LHFPL2: variants seen among roughly 807,000 people sequenced by gnomAD.
LHFPL2 encodes the protein LHFPL tetraspan subfamily member 2 protein.
A neutral mutation model predicts 17.5 loss-of-function variants in LHFPL2; 7 were observed. The observed-to-expected ratio is 0.40, with a 90% CI of 0.23 to 0.75. LHFPL2 has a LOEUF of 0.75. Ranked by LOEUF, LHFPL2 falls within the 30% of genes least tolerant of loss-of-function variation. The pLI is 0.37. For synonymous variants in LHFPL2, 134 were observed against 116.2 expected, an observed-to-expected ratio of 1.15 and a Z score of -0.99; for missense variants, 241 against 294.8, an observed-to-expected ratio of 0.82 and a Z score of 1.34.
chr5:78,523,504 AG>A (rs964269717), intron 3 of LHFPL2, among the ~76,000 whole-genome samples: 8 of 152,094 alleles, frequency 5.3e-5, no homozygotes, highest in Admixed American at 4.6e-4. Flanking sequence ...AGACAGGCAA[AG>A]GGGGGAAATC....
In LHFPL2 at chr5:78,608,479, A is replaced by G. The variant is rs116467123; in HGVS notation, c.-245+23785T>C. Among the ~76,000 whole-genome samples the G allele has an allele frequency of 7.5e-3, 1,146 of 152,258 alleles. 12 individuals carry two copies. The highest frequency in any genetic ancestry group is 0.026 in the African/African-American group (1,071 of 41,530). Reference sequence around the variant, plus strand: ...AGCAAAGACATAACTGCATTCTAGAATAATATATGGGGAAATACAATCAGG... The same window carrying G: ...AGCAAAGACATAACTGCATTCTAGAGTAATATATGGGGAAATACAATCAGG... On this transcript the variant is annotated intron_variant, in intron 2 of 4. Coordinates refer to ENST00000380345, the MANE Select transcript of LHFPL2 (RefSeq NM_005779.3).
At chr5:78,634,982 G>A (rs573431671) in intron 1 of LHFPL2, among the ~76,000 whole-genome samples, 5 of 152,322 alleles carry the variant, frequency 3.3e-5, no homozygotes. Flanking sequence ...GGGACACCAG[G>A]GGAAGAAGAG....
chr5:78,500,148 T>TA (rs1049349258), intron 4 of LHFPL2, among the ~76,000 whole-genome samples: 7 of 151,954 alleles, frequency 4.6e-5, no homozygotes, highest in Middle Eastern at 3.4e-3. Context: ...AAATCACCCA[T>TA]AAAAAAACAC....
At chr5:78,618,382 G>C (rs1346811749) in intron 2 of LHFPL2, among the ~76,000 whole-genome samples, 1 of 152,170 alleles carries the variant, frequency 6.6e-6, no homozygotes, top group African/African-American at 2.4e-5. Context: ...GGAGCAGCTG[G>C]GAGGTGCTTC....
chr5:78,597,259 G>A (rs1247579293), intron 2 of LHFPL2, among the ~76,000 whole-genome samples: 1 of 152,156 alleles, frequency 6.6e-6, no homozygotes, highest in African/African-American at 2.4e-5. Context: ...TCTTCCCTGT[G>A]TTTCCTCACA....
At chr5:78,546,572 T>A (rs1348353642) in intron 3 of LHFPL2, among the ~76,000 whole-genome samples, 4 of 152,356 alleles carry the variant, frequency 2.6e-5, no homozygotes, top group Admixed American at 6.5e-5. Context: ...TAAATGATAT[T>A]TTTTATCACA....
chr5:78,493,411 C>T (rs1278346102), intron 4 of LHFPL2, among the ~76,000 whole-genome samples: 1 of 152,230 alleles, frequency 6.6e-6, no homozygotes, highest in East Asian at 1.9e-4. Context: ...ATAATGTTTA[C>T]CTACAAGAAT....
chr5:78,620,674 C>T (rs889983841), intron 2 of LHFPL2, among the ~76,000 whole-genome samples: 4 of 152,150 alleles, frequency 2.6e-5, no homozygotes, highest in Non-Finnish European at 4.4e-5. Flanking sequence ...CCAGGGACAC[C>T]GCTAGGCATC....
At chr5:78,618,378 G>T (rs1314196925) in intron 2 of LHFPL2, among the ~76,000 whole-genome samples, 1 of 152,196 alleles carries the variant, frequency 6.6e-6, no homozygotes, top group African/African-American at 2.4e-5. Context: ...GCAAGGAGCA[G>T]CTGGGAGGTG....
At chr5:78,582,349 G>A (rs1385991341) in intron 2 of LHFPL2, among the ~76,000 whole-genome samples, 1 of 150,132 alleles carries the variant, frequency 6.7e-6, no homozygotes, top group African/African-American at 2.5e-5. Context: ...GTTTGCTCTT[G>A]CTTTTCTAGT....
chr5:78,510,236 GAGTC>G lies in LHFPL2; in HGVS notation c.-27_-24del. 1.9e-6 allele frequency: 3 copies of G among 1,556,278 alleles called. No individual in the cohort carries two copies. The highest frequency in any genetic ancestry group is 1.2e-5 in the South Asian group (1 of 84,148). On this transcript the variant is annotated 5_prime_UTR_variant, in exon 4 of 5. Coordinates refer to ENST00000380345, the MANE Select transcript of LHFPL2 (RefSeq NM_005779.3). ...CATATTGATGTTCCGGGCGAAGAAA[GAGTC>G]AGGAGTCCACGGAGTTAATCAAAAC...
chr5:78,510,804 G>A (rs531789629), intron 3 of LHFPL2, among the ~76,000 whole-genome samples: 61 of 152,338 alleles, frequency 4.0e-4, no homozygotes, highest in African/African-American at 1.4e-3. Context: ...ATTAGTGGAT[G>A]TTTTGTTTTG....
intron 2 of LHFPL2, among the ~76,000 whole-genome samples, chr5:78,581,749 C>T (rs146653960): frequency 5.0e-4 from 73 of 147,136 alleles, no homozygotes; most frequent in South Asian, 6.5e-4. Flanking sequence ...GTCTAAAATT[C>T]TCTTTTTTGG....
chr5:78,509,981 C>A lies in LHFPL2; in HGVS notation c.233G>T (p.Arg78Leu). ...GGCGTAGGGCCCGCACAGCGTGTCC[C>A]GCTGGAAGTGCTGCACCCCTGGGTT... Reference protein sequence around the residue: ...IRNPGVQHFQRDTLCGPYAES... With the variant: ...IRNPGVQHFQLDTLCGPYAES... Residue 78 changes from arginine to leucine, a missense_variant, in exon 4 of 5, where the codon CGG becomes CTG. Coordinates refer to ENST00000380345, the MANE Select transcript of LHFPL2 (RefSeq NM_005779.3). 1 of 1,613,720 alleles carries A rather than the reference C, an allele frequency of 6.2e-7. No homozygotes were observed. The highest frequency in any genetic ancestry group is 8.5e-7 in the Non-Finnish European group (1 of 1,179,928).
At chr5:78,544,919 A>G (rs748139187) in intron 3 of LHFPL2, among the ~76,000 whole-genome samples, 4 of 152,148 alleles carry the variant, frequency 2.6e-5, no homozygotes, top group Non-Finnish European at 5.9e-5. Flanking sequence ...AAAAGAAAAA[A>G]TTCCCTAACC....
At chr5:78,490,349 CAGTCACATG>C (rs1754396653) in intron 4 of LHFPL2, among the ~76,000 whole-genome samples, 1 of 152,282 alleles carries the variant, frequency 6.6e-6, no homozygotes, top group South Asian at 2.1e-4. Context: ...CCCTGGCTGC[CAGTCACATG>C]ACAGTAGCTC....
intron 2 of LHFPL2, among the ~76,000 whole-genome samples, chr5:78,621,492 T>C (rs1228730722): frequency 6.6e-6 from 1 of 152,108 alleles, no homozygotes; most frequent in Non-Finnish European, 1.5e-5. Flanking sequence ...GTGGCAGTCA[T>C]GCTTTGGTTA....
chr5:78,541,147 C>T (rs948474349), intron 3 of LHFPL2, among the ~76,000 whole-genome samples: 16 of 152,158 alleles, frequency 1.1e-4, no homozygotes, highest in East Asian at 1.9e-4. Flanking sequence ...AGCAGCCCCA[C>T]GTCCCCAGCC....
At chr5:78,632,684 C>T (rs1459694872) in intron 1 of LHFPL2, among the ~76,000 whole-genome samples, 1 of 152,190 alleles carries the variant, frequency 6.6e-6, no homozygotes, top group Admixed American at 6.5e-5. Flanking sequence ...GAAATGCCTG[C>T]ATAAACATGT....
Sources: allele counts gnomAD v4.1 joint callset (sites outside exome capture counted in the v4.1 genomes callset), GRCh38; gene constraint gnomAD v4.1.1; transcripts MANE v1.5; gene names NCBI Gene and HGNC (gene_info 2026-07-23, HGNC 2026-07-21).